Variants in MYO3A observed in about 807,000 individuals in gnomAD.
MYO3A encodes the protein myosin IIIA.
In MYO3A, 180 loss-of-function variants were observed where a neutral mutation model predicts 192.7. The ratio of observed to expected loss-of-function variants is 0.93; its 90% CI spans 0.83 to 1.06. The LOEUF (loss-of-function observed/expected upper bound fraction) is 1.06. Among genes scored for constraint, MYO3A ranks in the 50% least tolerant of loss-of-function variants. The pLI, the probability that MYO3A is intolerant of heterozygous loss-of-function variation, is 0.00. For missense variants in MYO3A, 1,896 were observed against 1,905.0 expected, an observed-to-expected ratio of 1.00 and a Z score of 0.09; for synonymous variants, 628 against 645.3, an observed-to-expected ratio of 0.97 and a Z score of 0.41.
rs144423997 is a variant in MYO3A at position 26,145,458 on chromosome 10, G to C, written c.2429G>C (p.Gly810Ala). 1 of 1,603,692 alleles carries C rather than the reference G, an allele frequency of 6.2e-7. No homozygotes were observed. The highest frequency in any genetic ancestry group is 8.5e-7 in the Non-Finnish European group (1 of 1,170,646). The change falls in exon 22 of 35, where the codon GGT becomes GCT. Residue 810 changes from glycine to alanine, a missense_variant. Transcript: ENST00000642920. ...TDQTLVEKFEGNLKSQYFWRP... is the reference protein window; with the variant it reads ...TDQTLVEKFEANLKSQYFWRP... ...TATTTTTCTACAGAAAAATTTGAAGGTAACCTGAAATCACAATACTTCTGG... is the reference window on the plus strand; with the variant it reads ...TATTTTTCTACAGAAAAATTTGAAGCTAACCTGAAATCACAATACTTCTGG...
Position 26,174,312 on chromosome 10 carries a change from G to A in MYO3A, c.4048G>A (p.Ala1350Thr). Residue 1350 changes from alanine to threonine, a missense_variant, in exon 30 of 35, where the codon GCG (alanine) becomes ACG (threonine). Transcript: ENST00000642920. The part of the protein sequence containing the change: ...TQAQEEEDKA[A>T]VFIQSKYRGY... ...GGCCCAGGAGGAAGAAGATAAAGCA[G>A]CGGTATTCATTCAGAGCAAATACCG... is the stretch of plus-strand genomic sequence containing the variant. The A allele has an allele frequency of 8.1e-6, 13 of 1,614,154 alleles. No individual in the cohort carries two copies. Among genetic ancestry groups the A allele is most frequent in the Non-Finnish European group, 1.0e-5 (12 of 1,180,022 alleles).
intron 1 of MYO3A, among the ~76,000 whole-genome samples, chr10:25,934,539 A>ATC (rs1835916990): frequency 6.6e-6 from 1 of 151,026 alleles, no homozygotes; most frequent in Non-Finnish European, 1.5e-5. Flanking sequence ...GAGAGAGGGG[A>ATC]CTCGAGGGGA....
intron 33 of MYO3A, among the ~76,000 whole-genome samples, chr10:26,201,824 G>A (rs1298304273): frequency 1.3e-5 from 2 of 152,176 alleles, no homozygotes; most frequent in Admixed American, 6.5e-5. Context: ...TATTGAGCCA[G>A]CATAGCACTA....
intron 20 of MYO3A, 65 bp downstream of exon 20, chr10:26,128,603 G>A: frequency 1.4e-6 from 2 of 1,468,478 alleles, no homozygotes; most frequent in Non-Finnish European, 1.9e-6. Flanking sequence ...TTGTACAAAT[G>A]AAGCAGGACC....
At chr10:26,201,241 C>G (rs1342968001) in intron 32 of MYO3A, 24 bp from the exon 33 acceptor site, 1 of 1,419,752 alleles carries the variant, frequency 7.0e-7, no homozygotes, top group African/African-American at 1.4e-5. Flanking sequence ...TTATATAGAT[C>G]TTTTGAATTC....
chr10:26,150,900 T>C (rs1307069434), intron 23 of MYO3A, among the ~76,000 whole-genome samples: 1 of 152,168 alleles, frequency 6.6e-6, no homozygotes, highest in East Asian at 1.9e-4. Context: ...ACTTAGATCA[T>C]TGATTTAAGA....
At chr10:26,145,179 CAAA>C (rs10715590) in intron 21 of MYO3A, among the ~76,000 whole-genome samples, 5 of 94,392 alleles carry the variant, frequency 5.3e-5, no homozygotes, top group Admixed American at 1.1e-4. Flanking sequence ...AACTCTGTCT[CAAA>C]AAAAAAAAAA....
intron 8 of MYO3A, chr10:26,022,396 A>G (rs1842351524): frequency 6.6e-6 from 1 of 152,234 alleles, no homozygotes; most frequent in South Asian, 2.1e-4. Flanking sequence ...ATTATAATGC[A>G]GTGCACAGCC....
intron 20 of MYO3A, among the ~76,000 whole-genome samples, chr10:26,132,974 A>G (rs982975426): frequency 5.3e-5 from 8 of 152,222 alleles, no homozygotes; most frequent in Non-Finnish European, 1.2e-4. Context: ...ATAAAAATTC[A>G]CTTAATATAA....
rs1053484483 is a variant in MYO3A at position 26,029,570 on chromosome 10, A to C, written c.953+3038A>C. 2.0e-5 allele frequency among the ~76,000 whole-genome samples: 3 copies of C among 152,182 alleles called. No homozygotes were observed. The South Asian group carries it at 6.2e-4, about 31-fold the overall frequency. ...CAATATTTTTTTCGTGCTGATATCTATTATACATCAACATCTATAGTTTTC... is the reference window on the plus strand; with the variant it reads ...CAATATTTTTTTCGTGCTGATATCTCTTATACATCAACATCTATAGTTTTC... On this transcript the variant is annotated intron_variant, in intron 10 of 34. Transcript: ENST00000642920.
chr10:26,100,771 T>A (rs1837392509), intron 17 of MYO3A, among the ~76,000 whole-genome samples: 1 of 152,232 alleles, frequency 6.6e-6, no homozygotes, highest in Admixed American at 6.5e-5. Flanking sequence ...CAGTTTGTTA[T>A]CATTTCTGTT....
At chr10:26,080,596 G>T (rs1302362386) in intron 14 of MYO3A, among the ~76,000 whole-genome samples, 2 of 135,948 alleles carry the variant, frequency 1.5e-5, no homozygotes, top group Non-Finnish European at 3.2e-5. Flanking sequence ...TTTTTGGGGG[G>T]AGGCGGGGCG....
At position 26,212,189 on chromosome 10, in the gene MYO3A, G is replaced by C. The variant is rs993283228; in HGVS notation, c.*226G>C. On this transcript the variant is annotated 3_prime_UTR_variant, in exon 35 of 35. Transcript: ENST00000642920. ...AAACCTCCCCCGACGCTCTCTCTCG[G>C]AACTCCCGCACCCTCCTTTCTCACC... 1 of 601,568 alleles carries C rather than the reference G, an allele frequency of 1.7e-6. No individual in the cohort carries two copies. The highest frequency in any genetic ancestry group is 2.8e-6 in the Non-Finnish European group (1 of 355,780). The allele number at this position is 601,568 out of a possible 1,614,324, so 37.3% of individuals were successfully genotyped here.
Position 26,145,460 on chromosome 10 carries a change from A to T in MYO3A, c.2431A>T (p.Asn811Tyr). ...DQTLVEKFEG[N>Y]LKSQYFWRPK... The stretch of plus-strand genomic sequence containing the variant: ...TTTTTCTACAGAAAAATTTGAAGGT[A>T]ACCTGAAATCACAATACTTCTGGAG... Residue 811 changes from asparagine to tyrosine, a missense_variant, in exon 22 of 35, where the codon AAC becomes TAC. By Grantham distance (143) the Asn-to-Tyr change is moderately radical. Coordinates refer to ENST00000642920, the MANE Select transcript of MYO3A (RefSeq NM_017433.5). 1 of 1,605,142 alleles carries T rather than the reference A, an allele frequency of 6.2e-7. No homozygotes were observed. The highest frequency in any genetic ancestry group is 2.2e-5 in the East Asian group (1 of 44,794).
intron 10 of MYO3A, among the ~76,000 whole-genome samples, chr10:26,033,201 G>T (rs1842880190): frequency 6.6e-6 from 1 of 152,058 alleles, no homozygotes; most frequent in Admixed American, 6.6e-5. Context: ...AGCCTCCCGA[G>T]TAGCTGTGAT....
rs1467674307 is a variant in MYO3A, at chr10:26,201,296, G to A, written c.4577G>A (p.Arg1526Lys). The A allele has an allele frequency of 1.3e-6, 2 of 1,579,000 alleles. No homozygotes were observed. The highest frequency in any genetic ancestry group is 4.5e-5 in the East Asian group (2 of 44,276). ...KSIQEEKRRPRKDSQGKLLDL... is the reference protein window; with the variant it reads ...KSIQEEKRRPKKDSQGKLLDL... Reference sequence around the variant, plus strand: ...ATCCAAGAAGAAAAACGAAGACCAAGGAAAGACAGGTAATTATTACTTCTG... The same window carrying A: ...ATCCAAGAAGAAAAACGAAGACCAAAGAAAGACAGGTAATTATTACTTCTG... Residue 1526 changes from arginine to lysine, a missense_variant, in exon 33 of 35, where the codon AGG (arginine) becomes AAG (lysine). Arg to Lys is a conservative substitution (Grantham distance 26). Transcript: ENST00000642920.
chr10:25,935,604 G>T (rs1038275076), intron 1 of MYO3A, 140 bp from the exon 2 acceptor site: 1 of 152,170 alleles, frequency 6.6e-6, no homozygotes, highest in African/African-American at 2.4e-5. Context: ...GTGTAAAAGT[G>T]CGAAAACTTA....
intron 17 of MYO3A, among the ~76,000 whole-genome samples, chr10:26,106,641 T>C (rs563823333): frequency 4.6e-5 from 7 of 152,256 alleles, no homozygotes; most frequent in Non-Finnish European, 8.8e-5. Flanking sequence ...TTTATCATAA[T>C]TAATTTCCTT....
At chr10:25,990,570 G>T (rs1311173916) in intron 4 of MYO3A, among the ~76,000 whole-genome samples, 1 of 151,362 alleles carries the variant, frequency 6.6e-6, no homozygotes, top group East Asian at 1.9e-4. Context: ...ATGCAGGTTT[G>T]TTACATATGT....
Sources: gnomAD v4.1 joint callset for allele counts (sites outside exome capture counted in the v4.1 genomes callset) on GRCh38, gnomAD v4.1.1 for gene constraint, MANE v1.5 for transcripts, NCBI Gene and HGNC (gene_info 2026-07-23, HGNC 2026-07-21) for gene names.